Variants in ROCK2 observed in about 807,000 individuals in gnomAD.
ROCK2 encodes rho-associated protein kinase 2.
In ROCK2, 61 loss-of-function variants were observed where a neutral mutation model predicts 195.1. That is an observed-to-expected ratio of 0.31 (90% CI 0.25 to 0.39). The LOEUF is 0.39. Ranked by LOEUF, ROCK2 falls within the 10% of genes least tolerant of loss-of-function variation. The probability of loss-of-function intolerance (pLI) is 1.00; values close to 1 mark genes in which losing one functional copy is unlikely to be tolerated. For missense variants in ROCK2, 1,109 were observed against 1,637.4 expected, an observed-to-expected ratio of 0.68 and a Z score of 5.57; for synonymous variants, 504 against 545.5, an observed-to-expected ratio of 0.92 and a Z score of 1.06.
chr2:11,296,013 A>G lies in ROCK2; in HGVS notation c.142-8277T>C, dbSNP rs13020004. On this transcript the variant is annotated intron_variant, in intron 1 of 32. Transcript: ENST00000315872. ...GAGGAGAGAGAGAGAGAGGAGAGAG[A>G]GAGAGAGAGAGAGAGAGAGAGAGAG... is the stretch of plus-strand genomic sequence containing the variant. 7.8e-3 allele frequency among the ~76,000 whole-genome samples: 606 copies of G among 77,306 alleles called. 1 individual carries two copies. The highest frequency in any genetic ancestry group is 0.03 in the East Asian group (52 of 1,738). The allele number at this position is 77,306 out of a possible 152,430, so 50.7% of individuals were successfully genotyped here. A position where few individuals can be genotyped will look rare whatever the true frequency, so the allele number is the denominator to read the frequency against.
chr2:11,335,114 C>T (rs1216881431), intron 1 of ROCK2, among the ~76,000 whole-genome samples: 35 of 40,540 alleles, frequency 8.6e-4, no homozygotes, highest in African/African-American at 2.1e-3. Context: ...CTGATACACA[C>T]ACACACACAC....
Position 11,182,592 on chromosome 2 carries a change from C to G in ROCK2, c.*845G>C, listed in dbSNP as rs1054635488. The G allele has an allele frequency of 6.6e-6, 1 of 152,332 alleles. No individual in the cohort carries two copies. Among genetic ancestry groups the G allele is most frequent in the Non-Finnish European group, 1.5e-5 (1 of 68,022 alleles). 9.4% of individuals were successfully genotyped at this position (152,332 alleles called of 1,614,324 possible). A position where few individuals can be genotyped will look rare whatever the true frequency, so the allele number is the denominator to read the frequency against. ...ACTATTTATGTGTAAAAATAGTGCA[C>G]GATTTATCTTCCACAAAGCTAGTTT... On this transcript the variant is annotated 3_prime_UTR_variant, in exon 33 of 33. Coordinates refer to ENST00000315872, the MANE Select transcript of ROCK2 (RefSeq NM_004850.5).
chr2:11,207,026 G>A (rs1664077118), intron 20 of ROCK2, among the ~76,000 whole-genome samples: 2 of 152,176 alleles, frequency 1.3e-5, no homozygotes, highest in South Asian at 4.1e-4. Flanking sequence ...TGATTAGGAA[G>A]AAGTAATTCT....
intron 20 of ROCK2, among the ~76,000 whole-genome samples, chr2:11,207,164 G>C (rs1664083088): frequency 6.6e-6 from 1 of 152,136 alleles, no homozygotes; most frequent in Admixed American, 6.5e-5. Flanking sequence ...CATGATCACA[G>C]TGCAAAGCAA....
intron 5 of ROCK2, among the ~76,000 whole-genome samples, chr2:11,232,000 C>T (rs888034953): frequency 9.2e-5 from 14 of 152,142 alleles, no homozygotes; most frequent in Admixed American, 5.9e-4. Context: ...ACAGGGTCTC[C>T]GTCACATATT....
chr2:11,236,898 G>A (rs896965506), intron 4 of ROCK2, among the ~76,000 whole-genome samples: 1 of 152,052 alleles, frequency 6.6e-6, no homozygotes, highest in Non-Finnish European at 1.5e-5. Flanking sequence ...CACCTGTAAT[G>A]TCACCACTTT....
At chr2:11,249,599 C>T (rs1254076933) in intron 4 of ROCK2, 62 bp downstream of exon 4, 4 of 1,287,618 alleles carry the variant, frequency 3.1e-6, no homozygotes, top group Admixed American at 2.9e-5. Context: ...CAAAAATCAA[C>T]TCATGAATAA....
At chr2:11,191,060 G>T (rs1663404405) in intron 32 of ROCK2, among the ~76,000 whole-genome samples, 2 of 152,086 alleles carry the variant, frequency 1.3e-5, no homozygotes, top group South Asian at 4.1e-4. Context: ...TAAGATGTTT[G>T]TGATTAGAAT....
intron 3 of ROCK2, among the ~76,000 whole-genome samples, chr2:11,268,143 C>A (rs1666485426): frequency 6.6e-6 from 1 of 151,978 alleles, no homozygotes; most frequent in South Asian, 2.1e-4. Flanking sequence ...ATAAAGGGAG[C>A]CATGGCTACA....
intron 1 of ROCK2, among the ~76,000 whole-genome samples, chr2:11,332,153 C>T (rs932565923): frequency 2.3e-4 from 35 of 151,872 alleles, no homozygotes; most frequent in African/African-American, 8.0e-4. Flanking sequence ...AAAAAAAAAC[C>T]TTTTTTTAAT....
At chr2:11,236,118 G>A (rs907067815) in intron 4 of ROCK2, among the ~76,000 whole-genome samples, 156 bp from the exon 5 acceptor site, 1 of 152,064 alleles carries the variant, frequency 6.6e-6, no homozygotes, top group Non-Finnish European at 1.5e-5. Context: ...AGACTCAGGC[G>A]TATGTAATGG....
intron 1 of ROCK2, among the ~76,000 whole-genome samples, chr2:11,336,855 T>C (rs141854580): frequency 1.0e-3 from 154 of 152,188 alleles, no homozygotes; most frequent in African/African-American, 3.5e-3. Flanking sequence ...CATAAAGCTT[T>C]TGGAAAAAAG....
Position 11,344,046 on chromosome 2 carries a change from C to G in ROCK2, c.91G>C (p.Glu31Gln). ...GAGASRQRKLEALIRDPRSPI... is the reference protein window; with the variant it reads ...GAGASRQRKLQALIRDPRSPI... ...GAGCGAGGGTCTCGGATCAGCGCCT[C>G]CAGCTTCCTCTGGCGGCTCGCGCCT... Residue 31 changes from glutamate to glutamine, a missense_variant, in exon 1 of 33, where the codon GAG (glutamate) becomes CAG (glutamine). By Grantham distance (29) the Glu-to-Gln change is conservative. Coordinates refer to ENST00000315872, the MANE Select transcript of ROCK2 (RefSeq NM_004850.5). This position sits in a 1 kb window ranked among gnomAD's most constrained non-coding sequence, Gnocchi z 5.4. The G allele has an allele frequency of 1.3e-6, 2 of 1,586,368 alleles. No homozygotes were observed. Among genetic ancestry groups the G allele is most frequent in the Non-Finnish European group, 1.7e-6 (2 of 1,167,932 alleles).
rs1417813188 is a variant in ROCK2 at position 11,218,470 on chromosome 2, T to C, written c.1321-4A>G. 1 of 1,543,634 alleles carries C rather than the reference T, an allele frequency of 6.5e-7. No homozygotes were observed. Among genetic ancestry groups the C allele is most frequent in the Non-Finnish European group, 8.8e-7 (1 of 1,136,530 alleles). On this transcript the variant is annotated splice_polypyrimidine_tract_variant and splice_region_variant and intron_variant, in intron 10 of 32. Transcript: ENST00000315872. ...ATCAACATACCTCTTGACTTTCCTA[T>C]TTAAAACAAAACAGAAAACACATTA... is the stretch of plus-strand genomic sequence containing the variant.
intron 3 of ROCK2, among the ~76,000 whole-genome samples, chr2:11,277,949 A>T (rs1666882228): frequency 6.6e-6 from 1 of 152,176 alleles, no homozygotes; most frequent in Non-Finnish European, 1.5e-5. Flanking sequence ...TCCTTTCATA[A>T]AAATTTTATT....
intron 1 of ROCK2, among the ~76,000 whole-genome samples, chr2:11,330,210 T>C (rs1338382502): frequency 1.3e-5 from 2 of 152,250 alleles, no homozygotes; most frequent in Non-Finnish European, 2.9e-5. Flanking sequence ...ACATTTCTAA[T>C]TATCTTTCTA....
chr2:11,286,420 TCACAAAGC>T, intron 3 of ROCK2, 111 bp downstream of exon 3: 1 of 669,442 alleles, frequency 1.5e-6, no homozygotes, highest in South Asian at 2.0e-5. Flanking sequence ...CTGACCAAGA[TCACAAAGC>T]CACCTTCTGG....
chr2:11,227,142 C>A, intron 6 of ROCK2, 112 bp downstream of exon 6: 1 of 1,019,310 alleles, frequency 9.8e-7, no homozygotes, highest in Non-Finnish European at 1.4e-6. Flanking sequence ...TTCCAGAAAT[C>A]TAATTCTTCC....
chr2:11,245,775 T>TG (rs137952000), intron 4 of ROCK2, among the ~76,000 whole-genome samples: 3,572 of 152,280 alleles, frequency 0.023, 64 homozygotes, highest in East Asian at 0.052. Context: ...CTGATCCCAC[T>TG]GGTCAAAGGT....
Sources: allele counts gnomAD v4.1 joint callset (sites outside exome capture counted in the v4.1 genomes callset), GRCh38; gene constraint gnomAD v4.1.1; non-coding constraint Gnocchi (gnomAD v3.1); transcripts MANE v1.5; gene names NCBI Gene and HGNC (gene_info 2026-07-23, HGNC 2026-07-21).